Variants in NRG4 observed in about 807,000 individuals in gnomAD.
The protein encoded by NRG4 is pro-neuregulin-4, membrane-bound isoform.
In NRG4, 10 loss-of-function variants were observed where a neutral mutation model predicts 15.0. That is an observed-to-expected ratio of 0.67 (90% confidence interval 0.41 to 1.13). NRG4 has a LOEUF of 1.13. NRG4 is among the 50% of genes most tolerant of loss of function. NRG4 has a pLI of 0.00. For synonymous variants in NRG4, 41 were observed against 50.1 expected (o/e 0.82, Z 0.77); for missense variants, 139 against 140.2 (o/e 0.99, Z 0.04).
At chr15:75,974,045 A>C (rs987500282) in intron 3 of NRG4, among the ~76,000 whole-genome samples, 1 of 151,934 alleles carries the variant, frequency 6.6e-6, no homozygotes, top group African/African-American at 2.4e-5. Context: ...CAATTTCAGA[A>C]CTTGTTATTG....
At chr15:76,050,896 C>T (rs1351075331) in intron 4 of NRG4, among the ~76,000 whole-genome samples, 3 of 150,078 alleles carry the variant, frequency 2.0e-5, no homozygotes, top group Non-Finnish European at 4.4e-5. Flanking sequence ...GCCTCGAACT[C>T]CTGGGCTCAC....
At chr15:75,999,679 A>G (rs978567933) in intron 3 of NRG4, among the ~76,000 whole-genome samples, 3 of 152,220 alleles carry the variant, frequency 2.0e-5, no homozygotes, top group Non-Finnish European at 4.4e-5. Flanking sequence ...CAGCAGAAAC[A>G]GACTAAGAGA....
chr15:75,954,376 A>C (rs1345987236), intron 5 of NRG4, among the ~76,000 whole-genome samples: 1 of 150,848 alleles, frequency 6.6e-6, no homozygotes, highest in African/African-American at 2.4e-5. Context: ...TATGTAATAC[A>C]TTTATAATAA....
intron 3 of NRG4, among the ~76,000 whole-genome samples, chr15:75,992,927 T>A (rs1312549949): frequency 4.0e-5 from 6 of 151,840 alleles, no homozygotes; most frequent in African/African-American, 1.5e-4. Context: ...TTTTTTTTTT[T>A]ACCACTTTTT....
intron 3 of NRG4, among the ~76,000 whole-genome samples, chr15:76,008,186 C>T (rs1054102788): frequency 5.3e-5 from 8 of 152,190 alleles, no homozygotes; most frequent in African/African-American, 1.7e-4. Flanking sequence ...TGCTGAGGCA[C>T]ATCATGAGTG....
chr15:75,950,513 C>A, intron 5 of NRG4: 1 of 229,836 alleles, frequency 4.4e-6, no homozygotes. Context: ...TCTGGATCAT[C>A]CTCCTCATCC....
intron 3 of NRG4, among the ~76,000 whole-genome samples, chr15:76,002,282 A>C (rs953843392): frequency 6.6e-6 from 1 of 152,236 alleles, no homozygotes; most frequent in African/African-American, 2.4e-5. Flanking sequence ...TAATAAATTA[A>C]GAATATATAC....
At chr15:75,955,722 C>A (rs1334350608) in intron 5 of NRG4, among the ~76,000 whole-genome samples, 3 of 127,468 alleles carry the variant, frequency 2.4e-5, no homozygotes, top group Non-Finnish European at 3.3e-5. Context: ...ACATTGTTTT[C>A]TTTGGGAAAA....
At chr15:75,997,713 A>G (rs552365776) in intron 3 of NRG4, among the ~76,000 whole-genome samples, 3 of 152,316 alleles carry the variant, frequency 2.0e-5, no homozygotes, top group Non-Finnish European at 4.4e-5. Flanking sequence ...CTAATGCCCA[A>G]TGCCAGTCAG....
intron 4 of NRG4, chr15:76,052,036 C>A (rs1414406725): frequency 6.6e-6 from 1 of 150,778 alleles, no homozygotes; most frequent in African/African-American, 2.5e-5. Context: ...ACATATATAG[C>A]CCCAAAACAT....
At chr15:76,047,831 C>T (rs1307946741) in intron 4 of NRG4, among the ~76,000 whole-genome samples, 3 of 150,716 alleles carry the variant, frequency 2.0e-5, no homozygotes, top group Non-Finnish European at 2.9e-5. Flanking sequence ...TATGAAATAA[C>T]ACAAATTCCC....
At chr15:75,993,055 A>G (rs2034079807) in intron 3 of NRG4, among the ~76,000 whole-genome samples, 1 of 151,898 alleles carries the variant, frequency 6.6e-6, no homozygotes, top group Non-Finnish European at 1.5e-5. Flanking sequence ...TCCTTCCACT[A>G]TCTTTTGGTC....
chr15:76,047,717 A>G (rs865853068), intron 4 of NRG4, among the ~76,000 whole-genome samples: 2 of 151,118 alleles, frequency 1.3e-5, no homozygotes, highest in Admixed American at 6.6e-5. Context: ...GGTAAATTTT[A>G]TATGTATATT....
At chr15:75,938,923 T>G (rs1356537187), downstream of NRG4, 2 of 151,630 alleles carry the variant, frequency 1.3e-5, no homozygotes, top group African/African-American at 2.4e-5. Flanking sequence ...AAGAGAAAAA[T>G]GCAACATACC....
chr15:76,001,894 A>G (rs549491570), intron 3 of NRG4, among the ~76,000 whole-genome samples: 1 of 152,310 alleles, frequency 6.6e-6, no homozygotes, highest in East Asian at 1.9e-4. Context: ...TCCCAGCCAG[A>G]TTTTTGTCAG....
intron 3 of NRG4, among the ~76,000 whole-genome samples, chr15:75,989,843 T>C (rs1165327047): frequency 1.3e-5 from 2 of 152,206 alleles, no homozygotes; most frequent in Non-Finnish European, 2.9e-5. Context: ...GAATCTTACA[T>C]TTTTGAGTGC....
chr15:75,967,713 C>T (rs566797771), intron 3 of NRG4, among the ~76,000 whole-genome samples: 3 of 152,184 alleles, frequency 2.0e-5, no homozygotes, highest in African/African-American at 2.4e-5. Context: ...CTGCCCACCT[C>T]GGCATCCCAA....
intron 3 of NRG4, among the ~76,000 whole-genome samples, chr15:75,993,630 C>T (rs1269733511): frequency 5.3e-5 from 8 of 151,102 alleles, no homozygotes; most frequent in African/African-American, 1.7e-4. Flanking sequence ...ACCCAGGAGG[C>T]GGAGGTTGCA....
chr15:76,037,109 A>G (rs1175575441), intron 4 of NRG4, among the ~76,000 whole-genome samples: 1 of 152,242 alleles, frequency 6.6e-6, no homozygotes, highest in African/African-American at 2.4e-5. Flanking sequence ...AATCTGAAAA[A>G]GCAATCAAAA....
Sources: gnomAD v4.1 joint callset for allele counts (sites outside exome capture counted in the v4.1 genomes callset) on GRCh38, gnomAD v4.1.1 for gene constraint, MANE v1.5 for transcripts, NCBI Gene and HGNC (gene_info 2026-07-23, HGNC 2026-07-21) for gene names.